The following MARK3 variants were observed in gnomAD, a reference collection of about 807,000 sequenced individuals.
MARK3 encodes the protein microtubule affinity regulating kinase 3.
A neutral mutation model predicts 90.1 loss-of-function variants in MARK3; 46 were observed. The ratio of observed to expected loss-of-function variants is 0.51; its 90% CI spans 0.40 to 0.65. The LOEUF is 0.65. Among genes scored for constraint, MARK3 ranks in the 30% least tolerant of loss-of-function variants. The pLI, the probability that MARK3 is intolerant of heterozygous loss-of-function variation, is 0.00. For missense variants in MARK3, 818 were observed against 947.2 expected (o/e 0.86, Z 1.79); for synonymous variants, 321 against 332.6 (o/e 0.97, Z 0.38).
At chr14:103,449,566 A>T (rs149400305) in intron 4 of MARK3, among the ~76,000 whole-genome samples, 41 of 152,318 alleles carry the variant, frequency 2.7e-4, no homozygotes, top group African/African-American at 9.6e-4. Context: ...GATAGGAATT[A>T]TTTTATAAAT....
intron 6 of MARK3, chr14:103,458,813 TTAAG>T: frequency 1.5e-6 from 1 of 659,372 alleles, no homozygotes; most frequent in Non-Finnish European, 2.7e-6. Context: ...ATAGGACTTA[TTAAG>T]TTTCTTATAA....
rs376881340 is a variant in MARK3 at position 103,503,211 on chromosome 14, A to G, written c.2246A>G (p.Asn749Ser). 2.5e-5 allele frequency: 40 copies of G among 1,611,004 alleles called. No homozygotes were observed. The highest frequency in any genetic ancestry group is 1.7e-4 in the African/African-American group (13 of 74,896). Residue 749 changes from asparagine to serine, a missense_variant, in exon 18 of 18, where the codon AAT becomes AGT. Coordinates refer to ENST00000429436, the MANE Select transcript of MARK3 (RefSeq NM_001128918.3). ...AAAAATATTGCTTCCAAAATTGCCA[A>G]TGAGCTAAAGCTGTAACCCAGTGAT... ...AFKNIASKIA[N>S]ELKL
chr14:103,399,580 T>A (rs964970547), intron 1 of MARK3, among the ~76,000 whole-genome samples: 1 of 151,388 alleles, frequency 6.6e-6, no homozygotes, highest in Non-Finnish European at 1.5e-5. Flanking sequence ...GTACCTGTAG[T>A]CCCAGCTACT....
At chr14:103,408,004 C>T (rs1482325708) in intron 2 of MARK3, among the ~76,000 whole-genome samples, 1 of 152,064 alleles carries the variant, frequency 6.6e-6, no homozygotes, top group Non-Finnish European at 1.5e-5. Flanking sequence ...ATAAAAATCC[C>T]GATACTCCCC....
At position 103,471,888 on chromosome 14, in the gene MARK3, T is replaced by C. The variant is rs185231177; in HGVS notation, c.1265-3105T>C. Among the ~76,000 whole-genome samples the C allele has an allele frequency of 7.9e-5, 12 of 152,286 alleles. No homozygotes were observed. The South Asian group carries it at 2.3e-3, about 29-fold the overall frequency. Reference sequence around the variant, plus strand: ...ATTTGGATCAATTTCTCACATCTTATACAAGGATGAATTCTAATTGGAGTT... The same window carrying C: ...ATTTGGATCAATTTCTCACATCTTACACAAGGATGAATTCTAATTGGAGTT... On this transcript the variant is annotated intron_variant, in intron 12 of 17. Transcript: ENST00000429436.
At chr14:103,500,734 C>G (rs545870527) in intron 17 of MARK3, among the ~76,000 whole-genome samples, 2 of 152,034 alleles carry the variant, frequency 1.3e-5, no homozygotes, top group East Asian at 3.9e-4. Flanking sequence ...GCGATCCTCC[C>G]ACCTCAGCCT....
chr14:103,495,947 G>T (rs942763185), intron 15 of MARK3, among the ~76,000 whole-genome samples: 5 of 152,250 alleles, frequency 3.3e-5, no homozygotes, highest in African/African-American at 1.2e-4. Context: ...GGTGTGGCCA[G>T]GTCTGGAGAG....
chr14:103,486,904 G>GTTTATTTA (rs5811110), intron 14 of MARK3, among the ~76,000 whole-genome samples: 257 of 144,938 alleles, frequency 1.8e-3, no homozygotes, highest in East Asian at 4.4e-3. Flanking sequence ...ATGTCAAAAA[G>GTTTATTTA]TTTATTTATT....
chr14:103,400,616 T>C (rs2090892812), intron 1 of MARK3, among the ~76,000 whole-genome samples: 2 of 152,086 alleles, frequency 1.3e-5, no homozygotes, highest in Admixed American at 1.3e-4. Flanking sequence ...TATAAAGTAG[T>C]CCAGGTATGG....
At chr14:103,423,985 C>G (rs2092316175) in intron 2 of MARK3, among the ~76,000 whole-genome samples, 1 of 152,036 alleles carries the variant, frequency 6.6e-6, no homozygotes, top group East Asian at 1.9e-4. Context: ...GCGGGTGGAT[C>G]ACCTGAGGTC....
intron 3 of MARK3, among the ~76,000 whole-genome samples, chr14:103,433,184 C>T (rs542023691): frequency 6.7e-6 from 1 of 150,084 alleles, no homozygotes; most frequent in South Asian, 2.1e-4. Context: ...CTCCCGGGTT[C>T]AAGAGATACT....
intron 14 of MARK3, among the ~76,000 whole-genome samples, chr14:103,486,328 A>G (rs1390712688): frequency 1.3e-5 from 2 of 152,040 alleles, no homozygotes; most frequent in African/African-American, 2.4e-5. Context: ...AGTCCCAGCT[A>G]TTTGGGAGGC....
intron 15 of MARK3, among the ~76,000 whole-genome samples, chr14:103,493,009 T>C (rs2075091721): frequency 6.6e-6 from 1 of 152,202 alleles, no homozygotes; most frequent in African/African-American, 2.4e-5. Flanking sequence ...ATTTGTCATC[T>C]GTAGCTTACA....
At chr14:103,488,804 T>C (rs1019624718) in intron 14 of MARK3, among the ~76,000 whole-genome samples, 3 of 152,224 alleles carry the variant, frequency 2.0e-5, no homozygotes, top group African/African-American at 7.2e-5. Context: ...GCCACTGCAC[T>C]CTAGCCTGGG....
rs1163729195 is a variant in MARK3 at position 103,503,283 on chromosome 14, T to G, written c.*56T>G. On this transcript the variant is annotated 3_prime_UTR_variant, in exon 18 of 18. Coordinates refer to ENST00000429436, the MANE Select transcript of MARK3 (RefSeq NM_001128918.3). ...ATTAAAGTGTTTTCCTGAACACTGA[T>G]GGAAATGTATAGAATAATATTTAGG... 1 of 1,336,334 alleles carries G rather than the reference T, an allele frequency of 7.5e-7. No homozygotes were observed. Among genetic ancestry groups the G allele is most frequent in the African/African-American group, 1.5e-5 (1 of 68,796 alleles). 82.8% of individuals were successfully genotyped at this position (1,336,334 alleles called of 1,614,324 possible). A position where few individuals can be genotyped will look rare whatever the true frequency, so the allele number is the denominator to read the frequency against.
chr14:103,399,706 A>AT (rs2090828532), intron 1 of MARK3, among the ~76,000 whole-genome samples: 2 of 128,820 alleles, frequency 1.6e-5, no homozygotes, highest in African/African-American at 5.2e-5. Context: ...TCTCAAAAAA[A>AT]AAAAAAGAAA....
intron 3 of MARK3, among the ~76,000 whole-genome samples, chr14:103,430,005 A>G (rs1224553079): frequency 6.6e-6 from 1 of 151,714 alleles, no homozygotes; most frequent in African/African-American, 2.4e-5. Flanking sequence ...TTTTTTGGTA[A>G]TGATTTTTCA....
At chr14:103,431,453 A>G (rs1260597474) in intron 3 of MARK3, among the ~76,000 whole-genome samples, 1 of 152,150 alleles carries the variant, frequency 6.6e-6, no homozygotes, top group Non-Finnish European at 1.5e-5. Context: ...CAACATGGTG[A>G]AACCGCGTCT....
intron 3 of MARK3, among the ~76,000 whole-genome samples, chr14:103,440,986 A>G (rs2092838092): frequency 6.6e-6 from 1 of 151,348 alleles, no homozygotes; most frequent in African/African-American, 2.4e-5. Flanking sequence ...TTTTAATGTA[A>G]CATTTTCCTA....
Sources: allele counts gnomAD v4.1 joint callset (sites outside exome capture counted in the v4.1 genomes callset), GRCh38; gene constraint gnomAD v4.1.1; transcripts MANE v1.5; gene names NCBI Gene and HGNC (gene_info 2026-07-23, HGNC 2026-07-21).